BACE1: variants seen among roughly 807,000 people sequenced by gnomAD.
The protein encoded by BACE1 is APP beta-secretase.
In BACE1, 21 loss-of-function variants were observed where a neutral mutation model predicts 54.0. That is an observed-to-expected ratio of 0.39 (90% CI 0.28 to 0.56). The LOEUF (loss-of-function observed/expected upper bound fraction) is 0.56. BACE1 is among the 20% of genes least tolerant of loss of function. BACE1 has a pLI of 0.63. For synonymous variants in BACE1, 232 were observed against 260.9 expected (o/e 0.89, Z 1.07); for missense variants, 511 against 661.2 (o/e 0.77, Z 2.49).
intron 5 of BACE1, 79 bp from the exon 6 acceptor site, chr11:117,291,892 G>A (rs958355242): frequency 2.2e-5 from 24 of 1,088,194 alleles, no homozygotes; most frequent in Non-Finnish European, 3.2e-5. Flanking sequence ...TTACTGCTGG[G>A]GCCCCAGCTG....
chr11:117,293,994 C>T lies in BACE1; in HGVS notation c.582G>A (p.Leu194=). The T allele has an allele frequency of 1.9e-6, 3 of 1,613,644 alleles. No individual in the cohort carries two copies. ...YAEIARPDDS[L]EPFFDSLVKQ... Reference sequence around the variant, plus strand: ...TTACCAGAGAGTCAAAGAAAGGCTCCAGGGAGTCGTCAGGCTTTGGCAGAA... The same window carrying T: ...TTACCAGAGAGTCAAAGAAAGGCTCTAGGGAGTCGTCAGGCTTTGGCAGAA... The change falls in exon 4 of 9, where the codon CTG becomes CTA. Residue 194 remains leucine (L), a synonymous_variant. Transcript: ENST00000313005. The surrounding 1 kb of genome is among the most constrained non-coding windows in gnomAD (Gnocchi z 4.1).
At chr11:117,296,792 C>G (rs1156651912) in intron 2 of BACE1, 81 bp downstream of exon 2, 31 of 1,102,360 alleles carry the variant, frequency 2.8e-5, no homozygotes, top group Non-Finnish European at 3.8e-5. Flanking sequence ...TCAACTCTTT[C>G]TCTCTGTACC....
chr11:117,303,324 A>G (rs1056274985), intron 1 of BACE1, among the ~76,000 whole-genome samples: 1 of 152,178 alleles, frequency 6.6e-6, no homozygotes, highest in Non-Finnish European at 1.5e-5. Context: ...AATGTCAATC[A>G]TTTAACAAAC....
Position 117,315,569 on chromosome 11 carries a change from T to C in BACE1, c.227A>G (p.Tyr76Cys). Residue 76 changes from tyrosine to cysteine, a missense_variant, in exon 1 of 9, where the codon TAC (tyrosine) becomes TGC (cysteine). Physicochemically the swap from Tyr to Cys is radical, Grantham distance 194. Transcript: ENST00000313005. The surrounding 1 kb of genome is among the most constrained non-coding windows in gnomAD (Gnocchi z 5.5). The part of the protein sequence containing the change: ...NLRGKSGQGY[Y>C]VEMTVGSPPQ... ...GGGGCTGCCCACGGTCATCTCCACG[T>C]AGTAGCCCTGCCCCGACTTGCCCCT... The C allele has an allele frequency of 6.3e-7, 1 of 1,590,024 alleles. No individual in the cohort carries two copies. Among genetic ancestry groups the C allele is most frequent in the South Asian group, 1.1e-5 (1 of 88,380 alleles).
At position 117,296,815 on chromosome 11, in the gene BACE1, C is replaced by G. The variant is rs1263592132; in HGVS notation, c.350+58G>C. On this transcript the variant is annotated intron_variant, in intron 2 of 8. Coordinates refer to ENST00000313005, the MANE Select transcript of BACE1 (RefSeq NM_012104.6). The stretch of plus-strand genomic sequence containing the variant: ...TTCTCTCTGTACCCCTCCCCTGACC[C>G]TTCTTAGCCCTGGATCCTTGGAAAA... The G allele has an allele frequency of 2.2e-6, 3 of 1,361,950 alleles. No homozygotes were observed. The African/African-American group carries it at 4.4e-5, about 20-fold the overall frequency. The allele number at this position is 1,361,950 out of a possible 1,614,324, so 84.4% of individuals were successfully genotyped here.
chr11:117,310,713 G>A (rs555522154), intron 1 of BACE1, among the ~76,000 whole-genome samples: 56 of 152,264 alleles, frequency 3.7e-4, no homozygotes, highest in African/African-American at 1.2e-3. Flanking sequence ...GAGCCACTGC[G>A]CCTGGCCAGA....
chr11:117,293,958 G>A lies in BACE1; in HGVS notation c.618C>T (p.His206=), dbSNP rs2034527774. The A allele has an allele frequency of 1.9e-6, 3 of 1,614,074 alleles. No homozygotes were observed. The highest frequency in any genetic ancestry group is 2.5e-6 in the Non-Finnish European group (3 of 1,179,986). Residue 206 remains histidine (H), a synonymous_variant, in exon 4 of 9, where the codon CAC becomes CAT. Transcript: ENST00000313005. The surrounding 1 kb of genome is among the most constrained non-coding windows in gnomAD (Gnocchi z 4.1). ...GCTGCAGGGAGAAGAGGTTGGGAAC[G>A]TGGGTCTGCTTTACCAGAGAGTCAA... ...PFFDSLVKQT[H]VPNLFSLQLC...
rs372325762 is a variant in BACE1 at position 117,289,545 on chromosome 11, A to G, written c.*21T>C. The G allele has an allele frequency of 5.5e-5, 88 of 1,612,694 alleles. No individual in the cohort carries two copies. Among genetic ancestry groups the G allele is most frequent in the East Asian group, 1.1e-4 (5 of 44,872 alleles). ...GGAGGTGTGGTCCAGGGGAATCTCT[A>G]TCTTCTGCCCATGGGCCTCCTCACT... On this transcript the variant is annotated 3_prime_UTR_variant, in exon 9 of 9. Coordinates refer to ENST00000313005, the MANE Select transcript of BACE1 (RefSeq NM_012104.6).
chr11:117,289,800 A>G lies in BACE1; in HGVS notation c.1272T>C (p.Asp424=). The G allele has an allele frequency of 1.2e-6, 2 of 1,613,472 alleles. No individual in the cohort carries two copies. The highest frequency in any genetic ancestry group is 2.2e-5 in the South Asian group (2 of 91,074). ...CTTCCACCGCTGCCGTCCTGAACTC[A>G]TCGTGCACTGGGGAGAGGGCAAATG... is the stretch of plus-strand genomic sequence containing the variant. ...GFAVSACHVH[D]EFRTAAVEGP... Residue 424 remains aspartate (D), a synonymous_variant, in exon 9 of 9, where the codon GAT becomes GAC. Transcript: ENST00000313005.
At chr11:117,306,849 CT>C (rs756759480) in intron 1 of BACE1, among the ~76,000 whole-genome samples, 151 of 152,212 alleles carry the variant, frequency 9.9e-4, no homozygotes, top group Admixed American at 2.1e-3. Context: ...ATGAGATTCA[CT>C]GACCTTGAAA....
intron 1 of BACE1, among the ~76,000 whole-genome samples, chr11:117,305,632 C>A (rs962757342): frequency 6.6e-6 from 1 of 151,938 alleles, no homozygotes; most frequent in Non-Finnish European, 1.5e-5. Context: ...TCTCCGCAGC[C>A]TGTAACCCGG....
chr11:117,303,159 C>T (rs1297547417), intron 1 of BACE1, among the ~76,000 whole-genome samples: 2 of 152,104 alleles, frequency 1.3e-5, no homozygotes, highest in African/African-American at 2.4e-5. Flanking sequence ...GTGGCTCTAG[C>T]TTAGACCTGC....
chr11:117,301,606 C>CA lies in BACE1; in HGVS notation c.262-4646dup, dbSNP rs1225592776. ...CCTGGGTGACAGAACAAGACCGTCT[C>CA]AAAAAAAAAAAAAAGGTCAAATTCA... is the stretch of plus-strand genomic sequence containing the variant. On this transcript the variant is annotated intron_variant, in intron 1 of 8. Coordinates refer to ENST00000313005, the MANE Select transcript of BACE1 (RefSeq NM_012104.6). Among the ~76,000 whole-genome samples, 311 of 130,308 alleles carry CA rather than the reference C, an allele frequency of 2.4e-3. 1 individual carries two copies. Among genetic ancestry groups the CA allele is most frequent in the Middle Eastern group, 4.1e-3 (1 of 246 alleles). The allele number at this position is 130,308 out of a possible 152,430, so 85.5% of individuals were successfully genotyped here.
chr11:117,296,670 A>G (rs1334250887), intron 2 of BACE1, among the ~76,000 whole-genome samples: 5 of 151,626 alleles, frequency 3.3e-5, no homozygotes, highest in Non-Finnish European at 7.4e-5. Context: ...CTACCTCTCA[A>G]TTCACCCTTT....
At position 117,315,457 on chromosome 11, in the gene BACE1, G is replaced by T; in HGVS notation, c.261+78C>A. 1 of 1,520,780 alleles carries T rather than the reference G, an allele frequency of 6.6e-7. No individual in the cohort carries two copies. The highest frequency in any genetic ancestry group is 8.8e-7 in the Non-Finnish European group (1 of 1,140,794). The allele number at this position is 1,520,780 out of a possible 1,614,324, so 94.2% of individuals were successfully genotyped here. Reference sequence around the variant, plus strand: ...TCCCCACCAGCCCATTTGAGCAGGGGCTAGCTTGAGGCATCCCCATCCTGT... The same window carrying T: ...TCCCCACCAGCCCATTTGAGCAGGGTCTAGCTTGAGGCATCCCCATCCTGT... On this transcript the variant is annotated intron_variant, in intron 1 of 8. Transcript: ENST00000313005. The surrounding 1 kb of genome is among the most constrained non-coding windows in gnomAD (Gnocchi z 5.5).
chr11:117,310,625 T>C (rs1046305124), intron 1 of BACE1, among the ~76,000 whole-genome samples: 2 of 152,056 alleles, frequency 1.3e-5, no homozygotes, highest in Non-Finnish European at 2.9e-5. Context: ...TTCACCATAT[T>C]GGTCAGGCTG....
chr11:117,291,490 C>T (rs1186802989), intron 6 of BACE1, among the ~76,000 whole-genome samples: 1 of 152,060 alleles, frequency 6.6e-6, no homozygotes, highest in Non-Finnish European at 1.5e-5. Flanking sequence ...GTTGGTCAGG[C>T]TGGTCTTGAA....
chr11:117,314,926 A>G (rs2035050939), intron 1 of BACE1, among the ~76,000 whole-genome samples: 1 of 151,914 alleles, frequency 6.6e-6, no homozygotes, highest in African/African-American at 2.4e-5. Context: ...GCCGGAGTGT[A>G]GACCGCGAGA....
At chr11:117,291,085 G>A (rs772724932) in intron 6 of BACE1, 36 bp from the exon 7 acceptor site, 3 of 1,607,062 alleles carry the variant, frequency 1.9e-6, no homozygotes, top group Non-Finnish European at 2.6e-6. Context: ...ATGAGGAAAA[G>A]CCTCTTTATC....
Sources: allele counts gnomAD v4.1 joint callset (sites outside exome capture counted in the v4.1 genomes callset), GRCh38; gene constraint gnomAD v4.1.1; non-coding constraint Gnocchi (gnomAD v3.1); transcripts MANE v1.5; gene names NCBI Gene and HGNC (gene_info 2026-07-23, HGNC 2026-07-21).